Variants in VWA3B observed in about 807,000 individuals in gnomAD.
The protein encoded by VWA3B is von Willebrand factor A domain containing 3B.
VWA3B carries 138 observed loss-of-function variants against 158.3 expected under a neutral mutation model. The observed-to-expected ratio is 0.87, with a 90% CI of 0.76 to 1.00. The LOEUF is 1.00. VWA3B is among the 50% of genes least tolerant of loss of function. VWA3B has a pLI of 0.00. For missense variants in VWA3B, 1,555 were observed against 1,565.1 expected, an observed-to-expected ratio of 0.99 and a Z score of 0.11; for synonymous variants, 596 against 587.3, an observed-to-expected ratio of 1.01 and a Z score of -0.21.
chr2:98,154,538 AT>A (rs1429898632), intron 7 of VWA3B, among the ~76,000 whole-genome samples: 1 of 152,110 alleles, frequency 6.6e-6, no homozygotes, highest in Non-Finnish European at 1.5e-5. Context: ...TCTTGGGCTT[AT>A]GTCTGGCATA....
At chr2:98,171,143 C>G (rs915697446) in intron 8 of VWA3B, among the ~76,000 whole-genome samples, 1 of 152,104 alleles carries the variant, frequency 6.6e-6, no homozygotes, top group Non-Finnish European at 1.5e-5. Context: ...CTATTCTTTC[C>G]TTTATTTAGT....
chr2:98,216,858 C>T, intron 13 of VWA3B: 1 of 1,047,526 alleles, frequency 9.5e-7, no homozygotes, highest in Non-Finnish European at 1.3e-6. Flanking sequence ...TGCCCTAGGC[C>T]ATTCAGATGG....
In VWA3B at chr2:98,149,459, C is replaced by T. The variant is rs76372927; in HGVS notation, c.989-13392C>T. On this transcript the variant is annotated intron_variant, in intron 7 of 27. Transcript: ENST00000477737. ...CACCCTCTAGAGGTTTCTCATTGGC[C>T]GCTTGATGTACACCCCATGCAAATG... Among the ~76,000 whole-genome samples the T allele has an allele frequency of 1.3e-4, 20 of 152,286 alleles. 1 individual carries two copies. The East Asian group carries it at 3.5e-3, about 26-fold the overall frequency.
intron 26 of VWA3B, among the ~76,000 whole-genome samples, chr2:98,309,598 G>A (rs1023606413): frequency 2.6e-5 from 4 of 152,202 alleles, no homozygotes; most frequent in African/African-American, 7.2e-5. Context: ...AAATGATACC[G>A]TGCGCAGTGT....
chr2:98,208,162 A>C (rs1683174465), intron 12 of VWA3B, among the ~76,000 whole-genome samples: 1 of 151,996 alleles, frequency 6.6e-6, no homozygotes. Flanking sequence ...TACTTTATAT[A>C]ATATTAATAT....
rs1682548880 is a variant in VWA3B, at chr2:98,094,109, C to T, written c.196+821C>T. On this transcript the variant is annotated intron_variant, in intron 2 of 27. Transcript: ENST00000477737. ...TAGTGCTGCACCAAACAAGAGAGTG[C>T]AGATATCTCTTTCACTTACTGATTT... Among the ~76,000 whole-genome samples, 3 of 152,150 alleles carry T rather than the reference C, an allele frequency of 2.0e-5. No homozygotes were observed. The South Asian group carries it at 6.2e-4, about 32-fold the overall frequency.
At chr2:98,128,776 A>G (rs1020197045) in intron 6 of VWA3B, among the ~76,000 whole-genome samples, 2 of 152,070 alleles carry the variant, frequency 1.3e-5, no homozygotes, top group African/African-American at 2.4e-5. Flanking sequence ...TCTCTACCCT[A>G]ATCACTCCAG....
intron 6 of VWA3B, 140 bp downstream of exon 6, chr2:98,128,548 T>C: frequency 1.2e-6 from 1 of 857,096 alleles, no homozygotes; most frequent in Admixed American, 2.9e-5. Flanking sequence ...TTAGTCTCTC[T>C]GCATCTTTTC....
rs779095886 is a variant in VWA3B at position 98,162,885 on chromosome 2, G to T, written c.1023G>T (p.Trp341Cys). Residue 341 changes from tryptophan to cysteine, a missense_variant, in exon 8 of 28, where the codon TGG (tryptophan) becomes TGT (cysteine). Physicochemically the swap from Trp to Cys is radical, Grantham distance 215. Coordinates refer to ENST00000477737, the MANE Select transcript of VWA3B (RefSeq NM_144992.5). ...AGVREDVFLV[W>C]QEMEEACSTL... Reference sequence around the variant, plus strand: ...TCAGAGAGGACGTGTTTCTCGTTTGGCAAGAGATGGAGGAAGCCTGCAGCA... The same window carrying T: ...TCAGAGAGGACGTGTTTCTCGTTTGTCAAGAGATGGAGGAAGCCTGCAGCA... 6.2e-7 allele frequency: 1 copy of T among 1,613,922 alleles called. No homozygotes were observed. The highest frequency in any genetic ancestry group is 1.7e-5 in the Admixed American group (1 of 60,030).
At chr2:98,129,063 A>G (rs1675609317) in intron 6 of VWA3B, among the ~76,000 whole-genome samples, 2 of 151,282 alleles carry the variant, frequency 1.3e-5, no homozygotes, top group African/African-American at 2.4e-5. Flanking sequence ...CTTAACAAGT[A>G]TTTATTTCTT....
At chr2:98,130,844 A>T (rs1472135450) in intron 6 of VWA3B, among the ~76,000 whole-genome samples, 1 of 152,224 alleles carries the variant, frequency 6.6e-6, no homozygotes, top group African/African-American at 2.4e-5. Flanking sequence ...CCCATGTGAT[A>T]TTCTGTTGCA....
At chr2:98,187,933 G>A (rs1214284792) in intron 9 of VWA3B, 42 bp from the exon 10 acceptor site, 4 of 1,537,384 alleles carry the variant, frequency 2.6e-6, no homozygotes, top group Non-Finnish European at 3.5e-6. Flanking sequence ...TCTTCTCTTT[G>A]GACAGTTTCT....
intron 22 of VWA3B, among the ~76,000 whole-genome samples, chr2:98,272,414 C>T (rs1688257613): frequency 6.6e-6 from 1 of 152,210 alleles, no homozygotes; most frequent in African/African-American, 2.4e-5. Context: ...GGGTGGGCCA[C>T]CCTCCAGGAG....
At chr2:98,160,656 C>A (rs1678498061) in intron 7 of VWA3B, among the ~76,000 whole-genome samples, 1 of 152,252 alleles carries the variant, frequency 6.6e-6, no homozygotes, top group South Asian at 2.1e-4. Flanking sequence ...ACTCCTGCTA[C>A]TTAACACCTC....
Position 98,312,656 on chromosome 2 carries a change from A to G in VWA3B, c.*307A>G, listed in dbSNP as rs974315575. 2 of 304,128 alleles carry G rather than the reference A, an allele frequency of 6.6e-6. No individual in the cohort carries two copies. The highest frequency in any genetic ancestry group is 1.2e-5 in the Non-Finnish European group (2 of 164,476). The allele number at this position is 304,128 out of a possible 1,614,324, so 18.8% of individuals were successfully genotyped here. A position where few individuals can be genotyped will look rare whatever the true frequency, so the allele number is the denominator to read the frequency against. The stretch of plus-strand genomic sequence containing the variant: ...AGTTTTAACCTGAAGGATGACTGTC[A>G]CAGGACTTTCAAATTGTTTAGCAGT... On this transcript the variant is annotated 3_prime_UTR_variant, in exon 28 of 28. Coordinates refer to ENST00000477737, the MANE Select transcript of VWA3B (RefSeq NM_144992.5).
intron 22 of VWA3B, among the ~76,000 whole-genome samples, chr2:98,288,790 A>G (rs1689316736): frequency 6.6e-6 from 1 of 152,174 alleles, no homozygotes; most frequent in South Asian, 2.1e-4. Flanking sequence ...TTTATTTAAT[A>G]TACATAAGCC....
chr2:98,109,749 T>C (rs1673992839), intron 2 of VWA3B, among the ~76,000 whole-genome samples: 1 of 151,884 alleles, frequency 6.6e-6, no homozygotes, highest in Non-Finnish European at 1.5e-5. Context: ...ACTTTATTCC[T>C]GAAGAAGAAT....
intron 8 of VWA3B, among the ~76,000 whole-genome samples, chr2:98,172,216 T>C (rs1314524990): frequency 1.3e-5 from 2 of 152,134 alleles, no homozygotes; most frequent in African/African-American, 4.8e-5. Flanking sequence ...GTGCCAGGTT[T>C]TATTGAGTGG....
the VWA3B span, among the ~76,000 whole-genome samples, chr2:98,330,086 G>C: frequency 9.2e-5 from 14 of 152,214 alleles, no homozygotes; most frequent in African/African-American, 3.1e-4. Flanking sequence ...TGGGACTGCT[G>C]CTCTCACGTG....
Sources: allele counts gnomAD v4.1 joint callset (sites outside exome capture counted in the v4.1 genomes callset), GRCh38; gene constraint gnomAD v4.1.1; transcripts MANE v1.5; gene names NCBI Gene and HGNC (gene_info 2026-07-23, HGNC 2026-07-21).